The following CADM2 variants were observed in gnomAD, a reference collection of about 807,000 sequenced individuals.
The protein encoded by CADM2 is immunoglobulin superfamily member 4D.
CADM2 carries 12 observed loss-of-function variants against 49.8 expected under a neutral mutation model. That is an observed-to-expected ratio of 0.24 (90% confidence interval 0.15 to 0.39). CADM2 has a LOEUF of 0.39. Among genes scored for constraint, CADM2 ranks in the 10% least tolerant of loss-of-function variants. The pLI is 1.00. For synonymous variants in CADM2, 214 were observed against 175.4 expected (o/e 1.22, Z -1.74); for missense variants, 378 against 492.3 (o/e 0.77, Z 2.20).
chr3:85,483,586 A>C (rs1483630751), intron 1 of CADM2, among the ~76,000 whole-genome samples: 1 of 150,674 alleles, frequency 6.6e-6, no homozygotes, highest in Non-Finnish European at 1.5e-5. Flanking sequence ...TGTACATATT[A>C]ATATGTTTCA....
At chr3:85,964,884 C>G (rs1725285215) in intron 8 of CADM2, among the ~76,000 whole-genome samples, 2 of 151,652 alleles carry the variant, frequency 1.3e-5, no homozygotes, top group Non-Finnish European at 1.5e-5. Context: ...AAGTATATCT[C>G]TTGTGATTAT....
At chr3:85,282,739 A>G (rs916191784) in intron 1 of CADM2, among the ~76,000 whole-genome samples, 2 of 152,074 alleles carry the variant, frequency 1.3e-5, no homozygotes, top group Non-Finnish European at 2.9e-5. Context: ...CATTCTGCAT[A>G]TTTCTAGCTT....
chr3:86,039,106 T>C (rs1419027655), intron 8 of CADM2, among the ~76,000 whole-genome samples: 1 of 152,090 alleles, frequency 6.6e-6, no homozygotes, highest in Non-Finnish European at 1.5e-5. Context: ...GATGGCCAAA[T>C]AGGAACAGCT....
intron 1 of CADM2, among the ~76,000 whole-genome samples, chr3:85,538,407 T>G (rs1284503793): frequency 6.6e-6 from 1 of 151,882 alleles, no homozygotes; most frequent in African/African-American, 2.4e-5. Context: ...GGGCACATGG[T>G]TATGAAGGGA....
intron 1 of CADM2, among the ~76,000 whole-genome samples, chr3:85,523,242 A>T (rs2061071460): frequency 6.6e-6 from 1 of 152,124 alleles, no homozygotes; most frequent in African/African-American, 2.4e-5. Context: ...GGCAAAACAC[A>T]TTTCTGTTTC....
At chr3:85,932,029 G>C (rs77998488) in intron 6 of CADM2, among the ~76,000 whole-genome samples, 1 of 151,096 alleles carries the variant, frequency 6.6e-6, no homozygotes, top group African/African-American at 2.4e-5. Flanking sequence ...ATTTTGTTTC[G>C]TTATCAGAGT....
At chr3:85,157,887 A>C (rs1057113583) in intron 1 of CADM2, among the ~76,000 whole-genome samples, 15 of 152,224 alleles carry the variant, frequency 9.9e-5, no homozygotes, top group African/African-American at 3.6e-4. Flanking sequence ...ACAAACTACC[A>C]TCAGAGTGAA....
intron 1 of CADM2, among the ~76,000 whole-genome samples, chr3:85,616,118 T>C (rs2107469583): frequency 6.6e-6 from 1 of 152,044 alleles, no homozygotes; most frequent in African/African-American, 2.4e-5. Context: ...CATTTATTAC[T>C]GAATTAATCC....
chr3:85,793,328 T>G (rs533193161), intron 2 of CADM2, among the ~76,000 whole-genome samples: 6 of 152,230 alleles, frequency 3.9e-5, no homozygotes, highest in African/African-American at 1.4e-4. Context: ...AGAACTAAAC[T>G]TGGCAGCCAA....
intron 1 of CADM2, among the ~76,000 whole-genome samples, chr3:85,564,966 G>A (rs1472160468): frequency 6.6e-6 from 1 of 152,104 alleles, no homozygotes; most frequent in Non-Finnish European, 1.5e-5. Flanking sequence ...ATAGCTCGAA[G>A]CTTTAGATAT....
At chr3:85,990,511 A>G (rs1478921433) in intron 8 of CADM2, among the ~76,000 whole-genome samples, 2 of 152,212 alleles carry the variant, frequency 1.3e-5, no homozygotes, top group East Asian at 3.8e-4. Flanking sequence ...GCGTTGGGAA[A>G]AGACAGACTC....
At chr3:85,314,764 A>T (rs955883328) in intron 1 of CADM2, among the ~76,000 whole-genome samples, 2 of 152,186 alleles carry the variant, frequency 1.3e-5, no homozygotes, top group African/African-American at 4.8e-5. Context: ...AGCACATTGG[A>T]ATTAAGGAGG....
intron 1 of CADM2, among the ~76,000 whole-genome samples, chr3:85,418,516 G>A (rs2036013018): frequency 6.6e-6 from 1 of 151,920 alleles, no homozygotes; most frequent in East Asian, 1.9e-4. Flanking sequence ...ATGTTCCAAG[G>A]TCTATTATAG....
rs1167720851 is a variant in CADM2 at position 85,371,677 on chromosome 3, GTATATATA to G, written c.62-354815_62-354808del. ...TATATATATATGTGTGTGTGTGTGTGTATATATATATATATATATATATATATATATAT... is the reference window on the plus strand; with the variant it reads ...TATATATATATGTGTGTGTGTGTGTGTATATATATATATATATATATATAT... On this transcript the variant is annotated intron_variant, in intron 1 of 9. Transcript: ENST00000383699. Among the ~76,000 whole-genome samples, 626 of 95,132 alleles carry G rather than the reference GTATATATA, an allele frequency of 6.6e-3. 16 individuals are homozygous for G. The highest frequency in any genetic ancestry group is 0.011 in the African/African-American group (256 of 22,526). The allele number at this position is 95,132 out of a possible 152,430, so 62.4% of individuals were successfully genotyped here.
chr3:85,655,938 GCA>G (rs1478896879), intron 1 of CADM2, among the ~76,000 whole-genome samples: 1 of 151,564 alleles, frequency 6.6e-6, no homozygotes, highest in Non-Finnish European at 1.5e-5. Flanking sequence ...TCCTCATAGA[GCA>G]GAAGCCTCCT....
chr3:85,838,829 A>G (rs935240759), intron 3 of CADM2, among the ~76,000 whole-genome samples: 2 of 151,794 alleles, frequency 1.3e-5, no homozygotes, highest in African/African-American at 4.8e-5. Flanking sequence ...AAGTAACTAA[A>G]ATGACTTGGA....
chr3:85,931,320 T>C (rs1720560061), intron 6 of CADM2, among the ~76,000 whole-genome samples: 1 of 152,024 alleles, frequency 6.6e-6, no homozygotes, highest in African/African-American at 2.4e-5. Flanking sequence ...ACACCTGTGG[T>C]CCCAGCTACT....
intron 1 of CADM2, among the ~76,000 whole-genome samples, chr3:85,268,497 T>C (rs2106833402): frequency 6.6e-6 from 1 of 151,550 alleles, no homozygotes; most frequent in South Asian, 2.1e-4. Context: ...CACAAATTAG[T>C]ATTTGACAGT....
At chr3:85,051,840 G>C (rs1363023538) in intron 1 of CADM2, among the ~76,000 whole-genome samples, 3 of 152,130 alleles carry the variant, frequency 2.0e-5, no homozygotes, top group Non-Finnish European at 4.4e-5. Flanking sequence ...CTGGGGGGAA[G>C]TAAAGCTAAG....
Sources: gnomAD v4.1 joint callset for allele counts (sites outside exome capture counted in the v4.1 genomes callset) on GRCh38, gnomAD v4.1.1 for gene constraint, MANE v1.5 for transcripts, NCBI Gene and HGNC (gene_info 2026-07-23, HGNC 2026-07-21) for gene names.